SLC24A2: variants seen among roughly 807,000 people sequenced by gnomAD.
SLC24A2 encodes the protein solute carrier family 24 member 2, also known as sodium/potassium/calcium exchanger 2.
Under a neutral mutation model 62.0 loss-of-function variants are expected in SLC24A2, and 36 were observed. That is an observed-to-expected ratio of 0.58 (90% CI 0.44 to 0.77). The LOEUF is 0.77. Ranked by LOEUF, SLC24A2 falls within the 30% of genes least tolerant of loss-of-function variation. The pLI is 0.00. For synonymous variants in SLC24A2, 358 were observed against 294.0 expected (o/e 1.22, Z -2.23); for missense variants, 846 against 817.9 (o/e 1.03, Z -0.42).
intron 2 of SLC24A2, among the ~76,000 whole-genome samples, chr9:19,683,411 T>C (rs75437089): frequency 4.6e-5 from 7 of 152,212 alleles, no homozygotes; most frequent in South Asian, 4.1e-4. Flanking sequence ...GAGGAGCTCA[T>C]TGTCTTTATG....
At chr9:19,633,763 T>C (rs935343975) in intron 2 of SLC24A2, among the ~76,000 whole-genome samples, 20 of 152,346 alleles carry the variant, frequency 1.3e-4, no homozygotes, top group African/African-American at 4.6e-4. Context: ...TTTGTGCATA[T>C]ATTTTGCCAT....
At chr9:20,158,941 T>C in the SLC24A2 span, among the ~76,000 whole-genome samples, 4 of 151,746 alleles carry the variant, frequency 2.6e-5, no homozygotes, top group African/African-American at 7.3e-5. Context: ...AGTAAAACTA[T>C]TGTTTTAAAG....
chr9:19,667,567 T>G (rs975712867), intron 2 of SLC24A2, among the ~76,000 whole-genome samples: 1 of 152,158 alleles, frequency 6.6e-6, no homozygotes, highest in Admixed American at 6.5e-5. Context: ...TTCTAGCCTC[T>G]AGTCTTGGAG....
At chr9:20,048,254 T>G in the SLC24A2 span, among the ~76,000 whole-genome samples, 2 of 152,220 alleles carry the variant, frequency 1.3e-5, no homozygotes, top group African/African-American at 4.8e-5. Context: ...TAGTAAATAG[T>G]TGTTGACATT....
the SLC24A2 span, among the ~76,000 whole-genome samples, chr9:20,230,075 A>T: frequency 2.0e-5 from 3 of 152,026 alleles, no homozygotes; most frequent in Non-Finnish European, 4.4e-5. Flanking sequence ...ATCATTTTTT[A>T]TGGCTGCATA....
chr9:19,848,407 G>C, the SLC24A2 span, among the ~76,000 whole-genome samples: 89,062 of 151,916 alleles, frequency 0.59, 26,755 homozygotes, highest in Non-Finnish European at 0.65. Context: ...TTTCCTCTTG[G>C]TTCTGTTTCT....
chr9:19,706,291 T>A (rs1038748589), intron 2 of SLC24A2, among the ~76,000 whole-genome samples: 1 of 152,024 alleles, frequency 6.6e-6, no homozygotes, highest in African/African-American at 2.4e-5. Flanking sequence ...GCTTGGTAGA[T>A]CTTTCTCCAT....
the SLC24A2 span, among the ~76,000 whole-genome samples, chr9:19,914,148 A>C: frequency 6.6e-6 from 1 of 151,880 alleles, no homozygotes; most frequent in Non-Finnish European, 1.5e-5. Flanking sequence ...TTCCTTTCAG[A>C]TCTTACTTTT....
At chr9:20,210,432 G>A in the SLC24A2 span, among the ~76,000 whole-genome samples, 1 of 151,970 alleles carries the variant, frequency 6.6e-6, no homozygotes, top group Non-Finnish European at 1.5e-5. Context: ...TTTAAAGGGA[G>A]AAGAAAAGAT....
the SLC24A2 span, among the ~76,000 whole-genome samples, chr9:20,014,738 G>A: frequency 6.6e-6 from 1 of 152,084 alleles, no homozygotes; most frequent in South Asian, 2.1e-4. Flanking sequence ...GAGAGAGGCT[G>A]TAGAGAGGGA....
intron 5 of SLC24A2, among the ~76,000 whole-genome samples, chr9:19,594,941 C>T (rs1463854824): frequency 1.3e-5 from 2 of 152,122 alleles, no homozygotes; most frequent in African/African-American, 4.8e-5. Flanking sequence ...AGGTACCTGT[C>T]GAAGGATGCA....
the SLC24A2 span, among the ~76,000 whole-genome samples, chr9:19,855,574 C>A: frequency 6.6e-6 from 1 of 152,258 alleles, no homozygotes. Flanking sequence ...ATATGAAATT[C>A]TGGGTTGGAA....
chr9:19,581,532 C>T (rs991051733), intron 5 of SLC24A2, among the ~76,000 whole-genome samples: 1 of 152,170 alleles, frequency 6.6e-6, no homozygotes, highest in African/African-American at 2.4e-5. Context: ...TGGGTTAATA[C>T]CCATTGCATG....
chr9:20,034,104 T>G, the SLC24A2 span, among the ~76,000 whole-genome samples: 1,999 of 152,204 alleles, frequency 0.013, 10 homozygotes, highest in Middle Eastern at 0.027. Flanking sequence ...TTGCCAAAGA[T>G]CTAAAAAGGA....
At chr9:19,566,610 G>A (rs1043709781) in intron 7 of SLC24A2, among the ~76,000 whole-genome samples, 5 of 152,102 alleles carry the variant, frequency 3.3e-5, no homozygotes, top group African/African-American at 9.7e-5. Context: ...TCCCATTACT[G>A]GATATATGCC....
chr9:20,060,853 G>C, the SLC24A2 span, among the ~76,000 whole-genome samples: 2 of 152,106 alleles, frequency 1.3e-5, no homozygotes, highest in African/African-American at 2.4e-5. Flanking sequence ...CAAGTTGCAA[G>C]ATCAATATGC....
intron 2 of SLC24A2, among the ~76,000 whole-genome samples, chr9:19,698,397 T>G (rs1310660630): frequency 6.6e-6 from 1 of 152,212 alleles, no homozygotes; most frequent in Non-Finnish European, 1.5e-5. Flanking sequence ...TATATGTAGA[T>G]ATTTCAAAGT....
chr9:20,018,026 A>G, the SLC24A2 span, among the ~76,000 whole-genome samples: 2 of 152,160 alleles, frequency 1.3e-5, no homozygotes, highest in African/African-American at 2.4e-5. Flanking sequence ...GGCTCACTGC[A>G]AACTCCACCT....
the SLC24A2 span, among the ~76,000 whole-genome samples, chr9:20,153,185 G>A: frequency 6.6e-6 from 1 of 151,958 alleles, no homozygotes; most frequent in South Asian, 2.1e-4. Flanking sequence ...TCTCTGCAAA[G>A]GGTTCAGAAG....
Sources: gnomAD v4.1 joint callset for allele counts (sites outside exome capture counted in the v4.1 genomes callset) on GRCh38, gnomAD v4.1.1 for gene constraint, MANE v1.5 for transcripts, NCBI Gene and HGNC (gene_info 2026-07-23, HGNC 2026-07-21) for gene names.